Variants in PLCH2 observed in about 807,000 individuals in gnomAD.
The protein encoded by PLCH2 is 1-phosphatidylinositol 4,5-bisphosphate phosphodiesterase eta-2.
Under a neutral mutation model 134.7 loss-of-function variants are expected in PLCH2, and 98 were observed. That is an observed-to-expected ratio of 0.73 (90% CI 0.62 to 0.86). The LOEUF (loss-of-function observed/expected upper bound fraction) is 0.86, where lower values mean the gene tolerates loss of function less well. PLCH2 is among the 40% of genes least tolerant of loss of function. The pLI is 0.00. For missense variants in PLCH2, 1,994 were observed against 1,986.6 expected (o/e 1.00, Z -0.07); for synonymous variants, 974 against 827.5 (o/e 1.18, Z -3.04).
intron 2 of PLCH2, among the ~76,000 whole-genome samples, chr1:2,434,381 C>T (rs1438373361): frequency 2.6e-5 from 4 of 152,238 alleles, no homozygotes; most frequent in African/African-American, 4.8e-5. Context: ...CCTTCTCTCC[C>T]GGGCACCCAC....
intron 11 of PLCH2, among the ~76,000 whole-genome samples, chr1:2,492,906 G>A (rs890407225): frequency 2.0e-5 from 3 of 152,096 alleles, no homozygotes; most frequent in African/African-American, 7.2e-5. Flanking sequence ...GAGAGAAGCC[G>A]GTGGGTAAGG....
chr1:2,457,005 C>G (rs569195193), intron 2 of PLCH2, among the ~76,000 whole-genome samples: 85 of 152,340 alleles, frequency 5.6e-4, no homozygotes, highest in African/African-American at 1.9e-3. Flanking sequence ...TACCTGTCAT[C>G]TCCATTTTCA....
intron 2 of PLCH2, among the ~76,000 whole-genome samples, chr1:2,447,167 G>C (rs996063037): frequency 6.6e-6 from 1 of 152,204 alleles, no homozygotes; most frequent in African/African-American, 2.4e-5. Context: ...GACTCTGTGC[G>C]TGAGGCTCCA....
At chr1:2,466,889 C>T (rs879686079), upstream of PLCH2, among the ~76,000 whole-genome samples, 3 of 152,228 alleles carry the variant, frequency 2.0e-5, no homozygotes, top group Admixed American at 6.5e-5. Flanking sequence ...TGTAGCAGCA[C>T]GCAGGGCTGC....
chr1:2,459,651 G>GGTGGTCTTCCTTGCCT (rs1557970442), intron 2 of PLCH2, among the ~76,000 whole-genome samples: 16 of 46,466 alleles, frequency 3.4e-4, no homozygotes, highest in African/African-American at 6.7e-4. Context: ...CTTCCTTTCC[G>GGTGGTCTTCCTTGCCT]GTGGTCCTCC....
At chr1:2,499,029 C>G (rs538949188) in intron 18 of PLCH2, 55 bp from the exon 19 acceptor site, 1 of 1,563,720 alleles carries the variant, frequency 6.4e-7, no homozygotes, top group Admixed American at 1.8e-5. Flanking sequence ...CAGGCTGGAG[C>G]GGTGCTGGGC....
intron 9 of PLCH2, 33 bp from the exon 10 acceptor site, chr1:2,489,727 A>C (rs1642465416): frequency 1.3e-6 from 2 of 1,518,520 alleles, no homozygotes; most frequent in Non-Finnish European, 1.8e-6. Flanking sequence ...CATTTTCTCC[A>C]GGGCCCCTCC....
At chr1:2,480,397 G>A (rs1641899763) in intron 4 of PLCH2, 85 bp downstream of exon 4, 1 of 1,465,166 alleles carries the variant, frequency 6.8e-7, no homozygotes, top group Non-Finnish European at 9.4e-7. Context: ...TGCCAGCCCT[G>A]ACTGAGCTGG....
intron 1 of PLCH2, among the ~76,000 whole-genome samples, chr1:2,427,326 G>A (rs891137072): frequency 6.6e-6 from 1 of 152,136 alleles, no homozygotes; most frequent in African/African-American, 2.4e-5. Flanking sequence ...GCCCGGGGCC[G>A]CAGGTCTGGG....
At chr1:2,417,008 T>C in the PLCH2 span, among the ~76,000 whole-genome samples, 2 of 151,412 alleles carry the variant, frequency 1.3e-5, no homozygotes, top group East Asian at 3.9e-4. Flanking sequence ...TGGGGAGGGG[T>C]CTGTGGAGAG....
intron 20 of PLCH2, chr1:2,501,677 C>A: frequency 5.8e-6 from 1 of 171,810 alleles, no homozygotes; most frequent in Non-Finnish European, 1.2e-5. Context: ...GGGTGGGGCA[C>A]ACACAACCAG....
chr1:2,499,589 G>A, intron 19 of PLCH2, 52 bp from the exon 20 acceptor site: 1 of 1,344,502 alleles, frequency 7.4e-7, no homozygotes. Flanking sequence ...AGAGCAGGTG[G>A]GGGCCCTGGG....
upstream of PLCH2, among the ~76,000 whole-genome samples, chr1:2,472,589 G>A (rs1252902418): frequency 6.6e-6 from 1 of 152,228 alleles, no homozygotes; most frequent in African/African-American, 2.4e-5. Context: ...TGGGTAGGCT[G>A]GCCTGGGGGC....
intron 2 of PLCH2, among the ~76,000 whole-genome samples, chr1:2,435,066 T>C (rs1639261908): frequency 1.3e-5 from 2 of 152,132 alleles, no homozygotes; most frequent in South Asian, 4.1e-4. Context: ...CTTGGCTTTG[T>C]CAGCAGCAGG....
At position 2,498,849 on chromosome 1, in the gene PLCH2, C is replaced by T. The variant is rs759883923; in HGVS notation, c.2434+21C>T. On this transcript the variant is annotated intron_variant, in intron 18 of 21. Transcript: ENST00000378486. This position sits in a 1 kb window ranked among gnomAD's most constrained non-coding sequence, Gnocchi z 5.4. ...CAACGGTGAGGCTGGGCCGTGGCTC[C>T]GTCACACCTGTGATGGAAGTCTGAG... is the stretch of plus-strand genomic sequence containing the variant. 1.8e-5 allele frequency: 28 copies of T among 1,579,954 alleles called. No homozygotes were observed. The highest frequency in any genetic ancestry group is 1.0e-4 in the Admixed American group (6 of 58,736).
intron 2 of PLCH2, among the ~76,000 whole-genome samples, chr1:2,449,100 T>C (rs555668356): frequency 1.3e-5 from 2 of 151,224 alleles, no homozygotes; most frequent in East Asian, 4.0e-4. Context: ...CAGCTTCACA[T>C]CCCCCTGGAC....
rs568818364 is a variant in PLCH2, at chr1:2,495,282, CT to C, written c.1753-204del. Among the ~76,000 whole-genome samples the C allele has an allele frequency of 1.8e-3, 271 of 152,326 alleles. 1 individual carries two copies. Among genetic ancestry groups the C allele is most frequent in the African/African-American group, 6.2e-3 (258 of 41,574 alleles). On this transcript the variant is annotated intron_variant, in intron 12 of 21. Transcript: ENST00000378486. ...TGGCCCTCGCCCCAAGCTCAGGTGC[CT>C]TGTGGCTGCCCTGAGAGTCTGCCAG...
At chr1:2,456,627 G>T (rs1640508389) in intron 2 of PLCH2, among the ~76,000 whole-genome samples, 1 of 152,204 alleles carries the variant, frequency 6.6e-6, no homozygotes, top group African/African-American at 2.4e-5. Flanking sequence ...TGCTGGAGCT[G>T]GTGAGACGCG....
intron 2 of PLCH2, among the ~76,000 whole-genome samples, chr1:2,451,077 G>A (rs974056010): frequency 2.0e-5 from 3 of 152,020 alleles, no homozygotes; most frequent in Non-Finnish European, 2.9e-5. Context: ...CCCAGCACAC[G>A]CTGTCTGGAA....
Sources: allele counts gnomAD v4.1 joint callset (sites outside exome capture counted in the v4.1 genomes callset), GRCh38; gene constraint gnomAD v4.1.1; non-coding constraint Gnocchi (gnomAD v3.1); transcripts MANE v1.5; gene names NCBI Gene and HGNC (gene_info 2026-07-23, HGNC 2026-07-21).